Variants in NBEAL1 observed in about 807,000 individuals in gnomAD.
NBEAL1 encodes neurobeachin like 1.
In NBEAL1, 273 loss-of-function variants were observed where a neutral mutation model predicts 351.3. The observed-to-expected ratio is 0.78, with a 90% CI of 0.70 to 0.86. NBEAL1 has a LOEUF of 0.86. NBEAL1 is among the 40% of genes least tolerant of loss of function. The pLI is 0.00. For missense variants in NBEAL1, 2,961 were observed against 3,201.3 expected, an observed-to-expected ratio of 0.92 and a Z score of 1.81; for synonymous variants, 1,050 against 1,086.4, an observed-to-expected ratio of 0.97 and a Z score of 0.66.
chr2:203,178,243 C>T (rs1022085843), intron 42 of NBEAL1, among the ~76,000 whole-genome samples: 2 of 151,060 alleles, frequency 1.3e-5, no homozygotes, highest in African/African-American at 4.9e-5. Context: ...CCGCTCACTG[C>T]AACCTCCATC....
At chr2:203,197,622 A>T (rs2105800131) in intron 48 of NBEAL1, among the ~76,000 whole-genome samples, 1 of 152,194 alleles carries the variant, frequency 6.6e-6, no homozygotes, top group African/African-American at 2.4e-5. Flanking sequence ...GATATATAAA[A>T]ATAGGCTGGG....
At chr2:203,169,895 T>A (rs2064266732) in intron 39 of NBEAL1, 44 bp downstream of exon 39, 1 of 1,156,468 alleles carries the variant, frequency 8.6e-7, no homozygotes, top group Non-Finnish European at 1.3e-6. Flanking sequence ...CTGCTCTTCA[T>A]TTTAAGTAAA....
chr2:203,029,265 C>T (rs2060911160), intron 2 of NBEAL1, among the ~76,000 whole-genome samples: 2 of 152,212 alleles, frequency 1.3e-5, no homozygotes, highest in Admixed American at 1.3e-4. Flanking sequence ...GTTGGGATTA[C>T]AGGCATGAGC....
At chr2:203,149,372 TG>T (rs2063592939) in intron 34 of NBEAL1, among the ~76,000 whole-genome samples, 1 of 152,142 alleles carries the variant, frequency 6.6e-6, no homozygotes, top group Non-Finnish European at 1.5e-5. Flanking sequence ...CCCTTTGATA[TG>T]AAGTTTATTG....
chr2:203,186,741 T>A (rs956100114), intron 44 of NBEAL1, among the ~76,000 whole-genome samples: 7 of 152,232 alleles, frequency 4.6e-5, no homozygotes. Flanking sequence ...AGTTTCTCTC[T>A]TTTACTCTAA....
chr2:203,017,906 A>G (rs1474995121), intron 2 of NBEAL1, among the ~76,000 whole-genome samples: 1 of 152,226 alleles, frequency 6.6e-6, no homozygotes, highest in East Asian at 1.9e-4. Context: ...TTTGAAGCCT[A>G]TCTCTTCTTG....
rs1192628830 is a variant in NBEAL1, at chr2:203,151,544, A to C, written c.5542A>C (p.Asn1848His). ...RMRLKLVPNY[N>H]FKTHEEASAL... The stretch of plus-strand genomic sequence containing the variant: ...GAGACTTAAGCTGGTACCGAATTAT[A>C]ATTTCAAAACCCATGAGGAAGCTAG... The change falls in exon 35 of 56, where the codon AAT becomes CAT. Residue 1848 changes from asparagine to histidine, a missense_variant. By Grantham distance (68) the Asn-to-His change is moderately conservative. Coordinates refer to ENST00000683969, the MANE Select transcript of NBEAL1 (RefSeq NM_001378026.1). 16 of 1,610,908 alleles carry C rather than the reference A, an allele frequency of 9.9e-6. No homozygotes were observed. Among genetic ancestry groups the C allele is most frequent in the Admixed American group, 5.0e-5 (3 of 59,430 alleles).
chr2:203,128,787 G>A (rs568668217), intron 24 of NBEAL1, among the ~76,000 whole-genome samples: 67 of 151,728 alleles, frequency 4.4e-4, no homozygotes, highest in African/African-American at 1.4e-3. Context: ...TAGTAGAGAT[G>A]GGGTTTCACC....
chr2:203,028,613 G>C (rs937350305), intron 2 of NBEAL1, among the ~76,000 whole-genome samples: 22 of 151,096 alleles, frequency 1.5e-4, no homozygotes, highest in African/African-American at 4.8e-4. Flanking sequence ...AACTCCATTT[G>C]ACAAGTGTCA....
chr2:203,187,779 C>T (rs1017161874), intron 44 of NBEAL1, among the ~76,000 whole-genome samples: 2 of 152,028 alleles, frequency 1.3e-5, no homozygotes, highest in African/African-American at 2.4e-5. Flanking sequence ...ACTTTTTAAC[C>T]GATCTTACTG....
intron 31 of NBEAL1, among the ~76,000 whole-genome samples, chr2:203,141,363 A>ATTTTTATTTAT (rs1468774275): frequency 5.7e-5 from 1 of 17,488 alleles, no homozygotes; most frequent in African/African-American, 1.5e-4. Flanking sequence ...TATTATTATT[A>ATTTTTATTTAT]TTATTTTTTT....
chr2:203,146,682 A>G (rs977028547), intron 33 of NBEAL1, among the ~76,000 whole-genome samples: 13 of 152,076 alleles, frequency 8.5e-5, no homozygotes, highest in African/African-American at 2.9e-4. Flanking sequence ...AGTCCCAACT[A>G]CTGAGGAGGC....
intron 19 of NBEAL1, among the ~76,000 whole-genome samples, chr2:203,124,789 T>C (rs1254528757): frequency 6.6e-6 from 1 of 152,210 alleles, no homozygotes; most frequent in East Asian, 1.9e-4. Context: ...AAGTGGGTGT[T>C]ACTATTATCC....
At chr2:203,048,275 G>T (rs574785914) in intron 3 of NBEAL1, among the ~76,000 whole-genome samples, 2 of 151,388 alleles carry the variant, frequency 1.3e-5, no homozygotes, top group Non-Finnish European at 2.9e-5. Flanking sequence ...CCAGCTACTC[G>T]GGAGCCTGAG....
rs2063652516 is a variant in NBEAL1, at chr2:203,151,530, T to C, written c.5528T>C (p.Leu1843Pro). The C allele has an allele frequency of 3.7e-6, 6 of 1,610,942 alleles. No homozygotes were observed. Among genetic ancestry groups the C allele is most frequent in the Non-Finnish European group, 4.2e-6 (5 of 1,178,596 alleles). Residue 1843 changes from leucine (L) to proline (P), a missense_variant, in exon 35 of 56, where the codon CTG becomes CCG. Transcript: ENST00000683969. The stretch of plus-strand genomic sequence containing the variant: ...AATTATTCCCGCATGAGACTTAAGC[T>C]GGTACCGAATTATAATTTCAAAACC... Reference protein sequence around the residue: ...VENYSRMRLKLVPNYNFKTHE... With the variant: ...VENYSRMRLKPVPNYNFKTHE...
chr2:203,033,484 T>C (rs1464358535), intron 2 of NBEAL1, among the ~76,000 whole-genome samples: 1 of 152,228 alleles, frequency 6.6e-6, no homozygotes, highest in Non-Finnish European at 1.5e-5. Context: ...CTGGATATAC[T>C]TTTAATTGAG....
intron 33 of NBEAL1, among the ~76,000 whole-genome samples, chr2:203,146,308 A>G (rs1332290221): frequency 1.3e-5 from 2 of 152,170 alleles, no homozygotes; most frequent in African/African-American, 4.8e-5. Context: ...AAATTCTACC[A>G]CACATTTAAT....
At chr2:203,215,100 G>A (rs889806674) in intron 55 of NBEAL1, among the ~76,000 whole-genome samples, 29 of 152,172 alleles carry the variant, frequency 1.9e-4, no homozygotes, top group Admixed American at 1.9e-3. Flanking sequence ...GCTCACACCT[G>A]TAATCCCAGC....
chr2:203,190,781 TG>T, intron 46 of NBEAL1: 1 of 1,609,032 alleles, frequency 6.2e-7, no homozygotes, highest in Non-Finnish European at 8.5e-7. Flanking sequence ...GCCTCCACCA[TG>T]CCGCCGAAGT....
Sources: allele counts gnomAD v4.1 joint callset (sites outside exome capture counted in the v4.1 genomes callset), GRCh38; gene constraint gnomAD v4.1.1; transcripts MANE v1.5; gene names NCBI Gene and HGNC (gene_info 2026-07-23, HGNC 2026-07-21).